ATP5MK: variants seen among roughly 807,000 people sequenced by gnomAD.
The protein encoded by ATP5MK is ATP synthase F(0) complex subunit k, mitochondrial.
A neutral mutation model predicts 6.6 loss-of-function variants in ATP5MK; 5 were observed. The observed-to-expected ratio is 0.76, with a 90% CI of 0.40 to 1.60. The LOEUF (loss-of-function observed/expected upper bound fraction) is 1.60. Ranked by LOEUF, ATP5MK falls within the 40% of genes most tolerant of loss-of-function variation. The probability of loss-of-function intolerance (pLI) is 0.02; values close to 1 mark genes in which losing one functional copy is unlikely to be tolerated. For synonymous variants in ATP5MK, 30 were observed against 24.5 expected, an observed-to-expected ratio of 1.22 and a Z score of -0.66; for missense variants, 57 against 66.6, an observed-to-expected ratio of 0.86 and a Z score of 0.50.
At chr10:103,394,982 T>C (rs991530550) in intron 2 of ATP5MK, among the ~76,000 whole-genome samples, 2 of 152,106 alleles carry the variant, frequency 1.3e-5, no homozygotes, top group Admixed American at 6.6e-5. Flanking sequence ...GGAAGGCTGA[T>C]GTTTTGTGAT....
chr10:103,393,414 A>G (rs2093420275), intron 2 of ATP5MK, among the ~76,000 whole-genome samples: 1 of 151,938 alleles, frequency 6.6e-6, no homozygotes, highest in South Asian at 2.1e-4. Flanking sequence ...CCCTGTCTCT[A>G]CTAAAAATAC....
chr10:103,391,833 T>C (rs1294029607), intron 4 of ATP5MK, among the ~76,000 whole-genome samples: 1 of 149,000 alleles, frequency 6.7e-6, no homozygotes, highest in Non-Finnish European at 1.5e-5. Flanking sequence ...TGAGACACGA[T>C]TTTGCTCTTT....
intron 4 of ATP5MK, among the ~76,000 whole-genome samples, chr10:103,389,958 C>T (rs2093409119): frequency 6.6e-6 from 1 of 151,970 alleles, no homozygotes; most frequent in African/African-American, 2.4e-5. Context: ...TCTCGAACTC[C>T]TGATCTCAGA....
intron 4 of ATP5MK, among the ~76,000 whole-genome samples, chr10:103,389,586 G>T (rs1053041638): frequency 6.6e-6 from 1 of 151,972 alleles, no homozygotes; most frequent in East Asian, 1.9e-4. Context: ...GCCTCCCAAA[G>T]TACTGGGATT....
chr10:103,391,196 C>T (rs910554051), intron 4 of ATP5MK, among the ~76,000 whole-genome samples: 1 of 152,188 alleles, frequency 6.6e-6, no homozygotes. Context: ...TTACATTTCA[C>T]ATTGGCTGGG....
intron 2 of ATP5MK, chr10:103,394,416 G>A (rs369414519): frequency 4.0e-6 from 2 of 500,434 alleles, no homozygotes; most frequent in African/African-American, 1.9e-5. Context: ...GGAAGAGGGA[G>A]ATATCTGTCA....
rs1036264712 is a variant in ATP5MK at position 103,396,000 on chromosome 10, C to T, written c.-264G>A. Reference sequence around the variant, plus strand: ...ACCTAAAGGAGGCCCGGCTGGCCAGCTTCCTAAAGCACAGCTCGGTGGGAA... The same window carrying T: ...ACCTAAAGGAGGCCCGGCTGGCCAGTTTCCTAAAGCACAGCTCGGTGGGAA... On this transcript the variant is annotated 5_prime_UTR_variant, in exon 2 of 5. Transcript: ENST00000369815. 1 of 152,270 alleles carries T rather than the reference C, an allele frequency of 6.6e-6. No individual in the cohort carries two copies. The highest frequency in any genetic ancestry group is 1.5e-5 in the Non-Finnish European group (1 of 68,074). The allele number at this position is 152,270 out of a possible 1,614,324, so 9.4% of individuals were successfully genotyped here.
At chr10:103,391,866 C>T (rs566014198) in intron 4 of ATP5MK, among the ~76,000 whole-genome samples, 44 of 152,176 alleles carry the variant, frequency 2.9e-4, no homozygotes, top group Admixed American at 2.7e-3. Flanking sequence ...AATGCAGTGG[C>T]GTGATCTCGG....
intron 2 of ATP5MK, 72 bp from the exon 3 acceptor site, chr10:103,392,538 GT>G: frequency 1.6e-6 from 2 of 1,222,250 alleles, no homozygotes; most frequent in Non-Finnish European, 1.1e-6. Context: ...ATTTTGTCTT[GT>G]TTTAGTCTAA....
chr10:103,393,580 A>C (rs79201041), intron 2 of ATP5MK, among the ~76,000 whole-genome samples: 1 of 137,680 alleles, frequency 7.3e-6, no homozygotes, highest in Non-Finnish European at 1.5e-5. Context: ...ACGCCGTCTC[A>C]AAAAAAAAAA....
chr10:103,390,887 A>C (rs530946789), intron 4 of ATP5MK, among the ~76,000 whole-genome samples: 13 of 152,348 alleles, frequency 8.5e-5, no homozygotes, highest in African/African-American at 3.1e-4. Context: ...CAGATATTTA[A>C]AGGGTGGGCA....
chr10:103,392,216 G>A lies in ATP5MK; in HGVS notation c.155C>T (p.Thr52Ile), dbSNP rs766456885. ...CATTTATGTTGCTTTCACAGCTGGA[G>A]TTTTTTTGGACCTTAACTTGAAATA... ...VLYFKLRSKK[T>I]PAVKAT The change falls in exon 4 of 5, where the codon ACT becomes ATT. Residue 52 changes from threonine to isoleucine, a missense_variant. Physicochemically the swap from Thr to Ile is moderately conservative, Grantham distance 89 (BLOSUM62 -1). Transcript: ENST00000369815. 6.2e-7 allele frequency: 1 copy of A among 1,613,126 alleles called. No homozygotes were observed. The highest frequency in any genetic ancestry group is 1.3e-5 in the African/African-American group (1 of 74,942).
rs1420028137 is a variant in ATP5MK, at chr10:103,395,966, C to G, written c.-230G>C. 6.6e-6 allele frequency: 1 copy of G among 152,316 alleles called. No homozygotes were observed. Among genetic ancestry groups the G allele is most frequent in the South Asian group, 2.1e-4 (1 of 4,836 alleles). The allele number at this position is 152,316 out of a possible 1,614,324, so 9.4% of individuals were successfully genotyped here. ...CCACATTCACTCGCTTTGAAAAAGG[C>G]TGCAGCGCACCTAAAGGAGGCCCGG... On this transcript the variant is annotated 5_prime_UTR_variant, in exon 2 of 5. Transcript: ENST00000369815.
chr10:103,395,588 G>T (rs566243402), intron 2 of ATP5MK, among the ~76,000 whole-genome samples, 158 bp downstream of exon 2: 84 of 152,198 alleles, frequency 5.5e-4, no homozygotes, highest in African/African-American at 2.0e-3. Context: ...GTGAGCCACC[G>T]CGCCCGGCCA....
chr10:103,390,949 A>G (rs1307926343), intron 4 of ATP5MK, among the ~76,000 whole-genome samples: 1 of 152,230 alleles, frequency 6.6e-6, no homozygotes, highest in Non-Finnish European at 1.5e-5. Context: ...ATTTAAGGAA[A>G]AGACAGAATT....
intron 2 of ATP5MK, among the ~76,000 whole-genome samples, chr10:103,395,450 A>T (rs548525690): frequency 1.3e-5 from 2 of 152,220 alleles, no homozygotes; most frequent in Non-Finnish European, 2.9e-5. Context: ...GGCGCGCGCC[A>T]CCACGCCCGG....
In ATP5MK at chr10:103,395,937, C is replaced by G. The variant is rs755874526; in HGVS notation, c.-201G>C. 2.6e-5 allele frequency: 4 copies of G among 152,210 alleles called. No homozygotes were observed. The highest frequency in any genetic ancestry group is 4.4e-5 in the Non-Finnish European group (3 of 68,056). The allele number at this position is 152,210 out of a possible 1,614,324, so 9.4% of individuals were successfully genotyped here. A position where few individuals can be genotyped will look rare whatever the true frequency, so the allele number is the denominator to read the frequency against. On this transcript the variant is annotated 5_prime_UTR_variant, in exon 2 of 5. Coordinates refer to ENST00000369815, the MANE Select transcript of ATP5MK (RefSeq NM_001206427.2). ...AGCGGGCCTGGCGAACTGTAGGGGC[C>G]GGGCCACATTCACTCGCTTTGAAAA...
chr10:103,396,104 T>C (rs1232600867), intron 1 of ATP5MK, 72 bp from the exon 2 acceptor site: 2 of 152,262 alleles, frequency 1.3e-5, no homozygotes, highest in African/African-American at 4.8e-5. Flanking sequence ...CCTCGTCCAA[T>C]ATTACGTCAC....
chr10:103,393,272 G>C (rs2093419797), intron 2 of ATP5MK, among the ~76,000 whole-genome samples: 2 of 152,150 alleles, frequency 1.3e-5, no homozygotes, highest in African/African-American at 4.8e-5. Context: ...TTCTCTCTCT[G>C]TTGCTTGGAG....
Sources: allele counts gnomAD v4.1 joint callset (sites outside exome capture counted in the v4.1 genomes callset), GRCh38; gene constraint gnomAD v4.1.1; transcripts MANE v1.5; gene names NCBI Gene and HGNC (gene_info 2026-07-23, HGNC 2026-07-21).